Variants in SYNE2 observed in about 807,000 individuals in gnomAD.
SYNE2 encodes the protein spectrin repeat containing nuclear envelope protein 2.
In SYNE2, 431 loss-of-function variants were observed where a neutral mutation model predicts 856.3. That is an observed-to-expected ratio of 0.50 (90% CI 0.47 to 0.55). SYNE2 has a LOEUF of 0.55. Among genes scored for constraint, SYNE2 ranks in the 20% least tolerant of loss-of-function variants. The pLI is 0.00. For synonymous variants in SYNE2, 2,923 were observed against 2,872.3 expected (o/e 1.02, Z -0.56); for missense variants, 8,129 against 8,023.2 (o/e 1.01, Z -0.50).
Position 64,128,401 on chromosome 14 carries a change from G to C in SYNE2, c.13918-51G>C, listed in dbSNP as rs779565526. 5 of 962,724 alleles carry C rather than the reference G, an allele frequency of 5.2e-6. No homozygotes were observed. The Admixed American group carries it at 7.3e-5, about 14-fold the overall frequency. The allele number at this position is 962,724 out of a possible 1,614,324, so 59.6% of individuals were successfully genotyped here. On this transcript the variant is annotated intron_variant, in intron 73 of 115. Coordinates refer to ENST00000555002, the MANE Select transcript of SYNE2 (RefSeq NM_182914.3). Reference sequence around the variant, plus strand: ...TAAAAACCAACTAAATATAAAAAAAGATAATGAAGGCCTAAATGAGATTGC... The same window carrying C: ...TAAAAACCAACTAAATATAAAAAAACATAATGAAGGCCTAAATGAGATTGC...
intron 99 of SYNE2, 82 bp downstream of exon 99, chr14:64,190,319 T>G: frequency 6.4e-7 from 1 of 1,565,822 alleles, no homozygotes; most frequent in Non-Finnish European, 8.8e-7. Context: ...AGTCTTCCTC[T>G]AAGATGATCC....
chr14:63,828,477 A>G (rs1199701760), intron 1 of SYNE2, among the ~76,000 whole-genome samples: 1 of 151,866 alleles, frequency 6.6e-6, no homozygotes. Flanking sequence ...TGTCTCTACT[A>G]AAAATATAAA....
chr14:63,931,348 G>A (rs1039679975), intron 2 of SYNE2, among the ~76,000 whole-genome samples: 19 of 151,970 alleles, frequency 1.3e-4, no homozygotes, highest in African/African-American at 4.6e-4. Flanking sequence ...TCAGGAGTTT[G>A]AGACCAGCCT....
chr14:64,033,914 T>G (rs1274904887), intron 45 of SYNE2, among the ~76,000 whole-genome samples: 1 of 152,226 alleles, frequency 6.6e-6, no homozygotes, highest in African/African-American at 2.4e-5. Context: ...TTTTGTTGCT[T>G]TATTCTTTTG....
intron 8 of SYNE2, among the ~76,000 whole-genome samples, chr14:63,960,026 T>C (rs547672870): frequency 1.3e-3 from 202 of 152,324 alleles, no homozygotes; most frequent in Non-Finnish European, 2.2e-3. Context: ...ACCATAGTCA[T>C]ATTTGAATAA....
intron 93 of SYNE2, among the ~76,000 whole-genome samples, chr14:64,169,630 T>A (rs969826281): frequency 6.6e-6 from 1 of 152,220 alleles, no homozygotes; most frequent in Non-Finnish European, 1.5e-5. Flanking sequence ...TCTTTCAGCA[T>A]AACTAAGAAA....
At position 64,130,030 on chromosome 14, in the gene SYNE2, CT is replaced by C; in HGVS notation, c.14140-17del. The C allele has an allele frequency of 1.2e-6, 2 of 1,613,380 alleles. No individual in the cohort carries two copies. The highest frequency in any genetic ancestry group is 1.7e-6 in the Non-Finnish European group (2 of 1,179,986). ...GTTGGATGAAAATGCATGTGTGCACCTGCTCTTCTCTTTTCAGGATGTACTT... is the reference window on the plus strand; with the variant it reads ...GTTGGATGAAAATGCATGTGTGCACCGCTCTTCTCTTTTCAGGATGTACTT... On this transcript the variant is annotated splice_polypyrimidine_tract_variant and intron_variant, in intron 75 of 115. Coordinates refer to ENST00000555002, the MANE Select transcript of SYNE2 (RefSeq NM_182914.3).
At chr14:64,126,049 G>T (rs539210596) in intron 71 of SYNE2, among the ~76,000 whole-genome samples, 2 of 152,268 alleles carry the variant, frequency 1.3e-5, no homozygotes, top group Middle Eastern at 3.4e-3. Flanking sequence ...CACCTGGATC[G>T]CCCTGCTAAG....
intron 2 of SYNE2, among the ~76,000 whole-genome samples, chr14:63,913,174 A>G (rs2095493558): frequency 6.6e-6 from 1 of 152,094 alleles, no homozygotes; most frequent in Non-Finnish European, 1.5e-5. Context: ...GACTCAAGTG[A>G]TCCTCCTACC....
intron 60 of SYNE2, among the ~76,000 whole-genome samples, chr14:64,091,903 G>A (rs1164282680): frequency 6.6e-6 from 1 of 152,046 alleles, no homozygotes; most frequent in Non-Finnish European, 1.5e-5. Flanking sequence ...GAAGAAAAAT[G>A]ACTATATGTT....
Position 64,052,274 on chromosome 14 carries a change from AG to A in SYNE2, c.8362del (p.Glu2788ArgfsTer17). 1.2e-6 allele frequency: 2 copies of A among 1,614,226 alleles called. No individual in the cohort carries two copies. Among genetic ancestry groups the A allele is most frequent in the Non-Finnish European group, 1.7e-6 (2 of 1,180,034 alleles). On this transcript the variant is annotated frameshift_variant, in exon 48 of 116. Transcript: ENST00000555002. LOFTEE classifies it high-confidence loss of function. ...AGCAGTCTGTGGAATCGTTGGCTGA[AG>A]AGGTCAAAGATAAGGTTCCTAGCCT... ...RQQSVESLAE[E>X]VKDKVPSLTT...
At chr14:63,991,911 GTC>G (rs1462890480) in intron 21 of SYNE2, among the ~76,000 whole-genome samples, 2 of 152,074 alleles carry the variant, frequency 1.3e-5, no homozygotes, top group Non-Finnish European at 1.5e-5. Context: ...CCCTATAGGA[GTC>G]TCTCTTCATT....
chr14:63,857,628 G>A (rs1892185941), intron 1 of SYNE2, among the ~76,000 whole-genome samples: 1 of 152,120 alleles, frequency 6.6e-6, no homozygotes, highest in Admixed American at 6.6e-5. Flanking sequence ...CCAACAGTTG[G>A]GGTGGTTAGG....
intron 66 of SYNE2, among the ~76,000 whole-genome samples, chr14:64,114,924 A>C (rs17101676): frequency 0.031 from 4,677 of 152,226 alleles, 136 homozygotes; most frequent in African/African-American, 0.074. Context: ...CCAGCCCAAA[A>C]GTCAGTTCTA....
Position 64,167,656 on chromosome 14 carries a change from T to G in SYNE2, c.16905+17T>G. ...ACCTATAAGGTAAACCTGTGTTCTC[T>G]GCCACCCTTGAACCGCTCATCTGGG... On this transcript the variant is annotated intron_variant, in intron 92 of 115. Coordinates refer to ENST00000555002, the MANE Select transcript of SYNE2 (RefSeq NM_182914.3). 6.2e-7 allele frequency: 1 copy of G among 1,614,196 alleles called. No homozygotes were observed. Among genetic ancestry groups the G allele is most frequent in the African/African-American group, 1.3e-5 (1 of 75,068 alleles).
At chr14:64,195,656 G>A (rs962023015) in intron 99 of SYNE2, among the ~76,000 whole-genome samples, 6 of 152,362 alleles carry the variant, frequency 3.9e-5, no homozygotes, top group Admixed American at 1.3e-4. Context: ...TGGCAGTTGT[G>A]TGTTAAGATT....
At chr14:64,177,551 T>C in intron 96 of SYNE2, 68 bp downstream of exon 96, 4 of 1,599,694 alleles carry the variant, frequency 2.5e-6, no homozygotes, top group Non-Finnish European at 3.4e-6. Context: ...GAAGTGCTTC[T>C]TTGCCTCTTT....
intron 76 of SYNE2, among the ~76,000 whole-genome samples, chr14:64,131,054 A>C (rs1408499902): frequency 2.0e-5 from 3 of 152,220 alleles, no homozygotes; most frequent in African/African-American, 7.2e-5. Flanking sequence ...AGGTGCTGAT[A>C]ATTAAAAATG....
In SYNE2 at chr14:64,024,897, G is replaced by T; in HGVS notation, c.5841-15G>T. The T allele has an allele frequency of 6.2e-7, 1 of 1,613,580 alleles. No individual in the cohort carries two copies. Among genetic ancestry groups the T allele is most frequent in the African/African-American group, 1.3e-5 (1 of 75,012 alleles). On this transcript the variant is annotated splice_polypyrimidine_tract_variant and intron_variant, in intron 39 of 115. Coordinates refer to ENST00000555002, the MANE Select transcript of SYNE2 (RefSeq NM_182914.3). Reference sequence around the variant, plus strand: ...TTGCTTATTTTGTATTTAAACATGTGTAATGCTCTTTTAGACTCCAGGATG... The same window carrying T: ...TTGCTTATTTTGTATTTAAACATGTTTAATGCTCTTTTAGACTCCAGGATG...
Sources: allele counts gnomAD v4.1 joint callset (sites outside exome capture counted in the v4.1 genomes callset), GRCh38; gene constraint gnomAD v4.1.1; transcripts MANE v1.5; gene names NCBI Gene and HGNC (gene_info 2026-07-23, HGNC 2026-07-21).